Variants in CCSER1 observed in about 807,000 individuals in gnomAD.
CCSER1 encodes the protein coiled-coil serine rich protein 1.
A neutral mutation model predicts 82.0 loss-of-function variants in CCSER1; 41 were observed. The ratio of observed to expected loss-of-function variants is 0.50; its 90% CI spans 0.39 to 0.65. The LOEUF is 0.65. Ranked by LOEUF, CCSER1 falls within the 30% of genes least tolerant of loss-of-function variation. The pLI is 0.00. For missense variants in CCSER1, 1,119 were observed against 1,064.2 expected, an observed-to-expected ratio of 1.05 and a Z score of -0.72; for synonymous variants, 414 against 383.9, an observed-to-expected ratio of 1.08 and a Z score of -0.92.
chr4:90,744,720 T>C lies in CCSER1; in HGVS notation c.2010+20729T>C, dbSNP rs554041924. Among the ~76,000 whole-genome samples, 4 of 152,204 alleles carry C rather than the reference T, an allele frequency of 2.6e-5. No homozygotes were observed. In the East Asian group the frequency reaches 7.7e-4, roughly 29 times the overall value. ...CAGTCAGATCAGTGGAGACATTAGA[T>C]TCTCATATGAGTGCAAACCCTATTG... is the stretch of plus-strand genomic sequence containing the variant. On this transcript the variant is annotated intron_variant, in intron 7 of 10. Transcript: ENST00000509176.
At position 91,362,423 on chromosome 4, in the gene CCSER1, C is replaced by T. The variant is rs188728839; in HGVS notation, c.2218-236149C>T. Among the ~76,000 whole-genome samples the T allele has an allele frequency of 1.6e-3, 245 of 151,908 alleles. 6 individuals are homozygous for T. The highest frequency in any genetic ancestry group is 0.015 in the Admixed American group (228 of 15,188). On this transcript the variant is annotated intron_variant, in intron 10 of 10. Transcript: ENST00000509176. Reference sequence around the variant, plus strand: ...CACATACACACACACAATGTAGGATCTCTGAGTCCAGATATTGGAAGACTT... The same window carrying T: ...CACATACACACACACAATGTAGGATTTCTGAGTCCAGATATTGGAAGACTT...
chr4:90,744,179 A>C (rs1419997067), intron 7 of CCSER1, among the ~76,000 whole-genome samples: 1 of 152,158 alleles, frequency 6.6e-6, no homozygotes, highest in Non-Finnish European at 1.5e-5. Flanking sequence ...AGTTGAGGAG[A>C]GACAAATGTC....
chr4:90,656,941 T>G (rs1729809126), intron 6 of CCSER1, among the ~76,000 whole-genome samples: 1 of 152,042 alleles, frequency 6.6e-6, no homozygotes, highest in Non-Finnish European at 1.5e-5. Context: ...CTCATTTACA[T>G]CTTCAGTTAT....
At chr4:90,201,258 T>G (rs1560787595) in intron 1 of CCSER1, among the ~76,000 whole-genome samples, 1 of 152,306 alleles carries the variant, frequency 6.6e-6, no homozygotes, top group African/African-American at 2.4e-5. Flanking sequence ...TCAGCGTATT[T>G]ATTTTGCATG....
chr4:90,644,992 G>T (rs181892768), intron 6 of CCSER1, among the ~76,000 whole-genome samples: 15 of 150,718 alleles, frequency 1.0e-4, no homozygotes, highest in African/African-American at 3.7e-4. Flanking sequence ...TAAGACAAGA[G>T]AATCACTTGA....
intron 10 of CCSER1, among the ~76,000 whole-genome samples, chr4:91,237,276 A>T (rs1241950379): frequency 6.6e-6 from 1 of 151,958 alleles, no homozygotes; most frequent in Admixed American, 6.6e-5. Flanking sequence ...TAAGAAAGAT[A>T]CTTAGACATC....
intron 9 of CCSER1, among the ~76,000 whole-genome samples, chr4:90,933,453 C>T (rs1730521260): frequency 6.6e-6 from 1 of 150,948 alleles, no homozygotes; most frequent in African/African-American, 2.4e-5. Flanking sequence ...TCCCCAAGTG[C>T]TGGGATTACA....
chr4:91,370,266 G>T (rs1749942118), intron 10 of CCSER1, among the ~76,000 whole-genome samples: 2 of 152,162 alleles, frequency 1.3e-5, no homozygotes, highest in Admixed American at 6.5e-5. Context: ...TACACAAATT[G>T]ACAATATTCA....
intron 4 of CCSER1, among the ~76,000 whole-genome samples, chr4:90,425,935 G>A (rs1419810213): frequency 1.3e-5 from 2 of 151,846 alleles, no homozygotes; most frequent in Admixed American, 6.6e-5. Context: ...AAAAAAAAAC[G>A]TTAATGAAGA....
chr4:91,390,068 T>C (rs760025138), intron 10 of CCSER1, among the ~76,000 whole-genome samples: 109 of 152,154 alleles, frequency 7.2e-4, no homozygotes, highest in Non-Finnish European at 1.2e-3. Context: ...TTTATTTCCT[T>C]TCCAGTGGTG....
intron 10 of CCSER1, among the ~76,000 whole-genome samples, chr4:91,508,525 G>C (rs913336691): frequency 2.0e-5 from 3 of 148,116 alleles, no homozygotes; most frequent in Non-Finnish European, 4.5e-5. Context: ...GAAGGTGTTT[G>C]CATCTGAATC....
At chr4:90,479,319 T>C (rs991792610) in intron 5 of CCSER1, among the ~76,000 whole-genome samples, 2 of 152,174 alleles carry the variant, frequency 1.3e-5, no homozygotes, top group African/African-American at 4.8e-5. Context: ...AGGAAAACTT[T>C]TTTTCATGCT....
At chr4:91,492,697 C>T (rs1246151191) in intron 10 of CCSER1, among the ~76,000 whole-genome samples, 5 of 151,960 alleles carry the variant, frequency 3.3e-5, no homozygotes, top group Non-Finnish European at 7.4e-5. Context: ...AGAGAATCCT[C>T]GGGGGCAATT....
chr4:90,327,481 T>TA (rs1405430729), intron 3 of CCSER1, among the ~76,000 whole-genome samples: 1 of 152,150 alleles, frequency 6.6e-6, no homozygotes, highest in Admixed American at 6.5e-5. Context: ...AAGAAACAAA[T>TA]AAAAAATAAT....
At chr4:90,408,874 A>G (rs1754191496) in intron 4 of CCSER1, among the ~76,000 whole-genome samples, 1 of 152,210 alleles carries the variant, frequency 6.6e-6, no homozygotes, top group Non-Finnish European at 1.5e-5. Context: ...AAAGAAGTTA[A>G]AAACTGAAAA....
intron 8 of CCSER1, among the ~76,000 whole-genome samples, chr4:90,871,839 C>A (rs189667368): frequency 6.6e-6 from 1 of 151,768 alleles, no homozygotes; most frequent in Admixed American, 6.6e-5. Flanking sequence ...TATCTGGGTG[C>A]TCTAGTGTTG....
chr4:90,174,207 G>A (rs1475110483), intron 1 of CCSER1, among the ~76,000 whole-genome samples: 2 of 151,662 alleles, frequency 1.3e-5, no homozygotes, highest in African/African-American at 4.8e-5. Flanking sequence ...TGAAGTATAA[G>A]GAATATAAAT....
At chr4:91,005,224 C>T (rs10516886) in intron 9 of CCSER1, among the ~76,000 whole-genome samples, 50,927 of 151,984 alleles carry the variant, frequency 0.34, 9,422 homozygotes, top group Middle Eastern at 0.44. Context: ...CACCAAACTA[C>T]TTATCTGACA....
intron 8 of CCSER1, among the ~76,000 whole-genome samples, chr4:90,841,906 C>T (rs1561230828): frequency 6.6e-6 from 1 of 152,104 alleles, no homozygotes; most frequent in Non-Finnish European, 1.5e-5. Context: ...ATAAGTTGCC[C>T]AATGAATGAG....
Sources: allele counts gnomAD v4.1 joint callset (sites outside exome capture counted in the v4.1 genomes callset), GRCh38; gene constraint gnomAD v4.1.1; transcripts MANE v1.5; gene names NCBI Gene and HGNC (gene_info 2026-07-23, HGNC 2026-07-21).